The following WNT9A variants were observed in gnomAD, a reference collection of about 807,000 sequenced individuals.
WNT9A encodes Wnt family member 9A.
Under a neutral mutation model 31.4 loss-of-function variants are expected in WNT9A, and 8 were observed. That is an observed-to-expected ratio of 0.26 (90% confidence interval 0.15 to 0.46). WNT9A has a LOEUF of 0.46. Ranked by LOEUF, WNT9A falls within the 20% of genes least tolerant of loss-of-function variation. The probability of loss-of-function intolerance (pLI) is 0.99; values close to 1 mark genes in which losing one functional copy is unlikely to be tolerated. For synonymous variants in WNT9A, 236 were observed against 220.1 expected, an observed-to-expected ratio of 1.07 and a Z score of -0.64; for missense variants, 457 against 522.9, an observed-to-expected ratio of 0.87 and a Z score of 1.23.
intron 3 of WNT9A, among the ~76,000 whole-genome samples, chr1:227,923,758 C>T: frequency 6.6e-6 from 1 of 152,158 alleles, no homozygotes; most frequent in East Asian, 1.9e-4. Context: ...GTCTTCGTGA[C>T]AAGCCTGCCA....
At position 227,929,467 on chromosome 1, in the gene WNT9A, A is replaced by G. The variant is rs376740487; in HGVS notation, c.96-3948T>C. Among the ~76,000 whole-genome samples the G allele has an allele frequency of 4.6e-5, 7 of 152,348 alleles. 1 individual carries two copies. In the South Asian group the frequency reaches 1.2e-3, roughly 27 times the overall value. ...CCCCAAATTCATATGGTCAAACCTA[A>G]CACCATCAAAGTGGTAGCATTAGGA... is the stretch of plus-strand genomic sequence containing the variant. On this transcript the variant is annotated intron_variant, in intron 1 of 3. Coordinates refer to ENST00000272164, the MANE Select transcript of WNT9A (RefSeq NM_003395.4).
intron 1 of WNT9A, among the ~76,000 whole-genome samples, chr1:227,930,893 C>T (rs1225710273): frequency 9.2e-5 from 14 of 151,982 alleles, no homozygotes; most frequent in African/African-American, 3.4e-4. Flanking sequence ...TGGAGGCATA[C>T]GCCTGTAATC....
chr1:227,936,918 C>T (rs191715067), intron 1 of WNT9A, among the ~76,000 whole-genome samples: 5 of 152,298 alleles, frequency 3.3e-5, no homozygotes, highest in Admixed American at 1.3e-4. Context: ...ATCCTCTCCC[C>T]TCATACATAT....
Position 227,942,821 on chromosome 1 carries a change from C to T in WNT9A, c.95+4972G>A, listed in dbSNP as rs1165429031. 6.6e-6 allele frequency among the ~76,000 whole-genome samples: 1 copy of T among 152,228 alleles called. No individual in the cohort carries two copies. The highest frequency in any genetic ancestry group is 1.5e-5 in the Non-Finnish European group (1 of 68,038). ...GAGCTCTCAGCTGCTCCCAAACCCC[C>T]CGGCCCACAGTGCTCAGAGCACCCG... On this transcript the variant is annotated intron_variant, in intron 1 of 3. Coordinates refer to ENST00000272164, the MANE Select transcript of WNT9A (RefSeq NM_003395.4). The surrounding 1 kb of genome is among the most constrained non-coding windows in gnomAD (Gnocchi z 5.7).
chr1:227,935,531 C>A (rs1247690632), intron 1 of WNT9A, among the ~76,000 whole-genome samples: 1 of 152,224 alleles, frequency 6.6e-6, no homozygotes, highest in Admixed American at 6.5e-5. Context: ...GTTCTCTCCC[C>A]TCCTCTAACA....
At chr1:227,924,109 T>TTCC in intron 3 of WNT9A, 29 bp downstream of exon 3, 74 of 1,105,074 alleles carry the variant, frequency 6.7e-5, no homozygotes, top group Non-Finnish European at 8.0e-5. Flanking sequence ...GACCCTCCCT[T>TTCC]CCCACCCCGC....
chr1:227,943,233 C>T (rs1056779871), intron 1 of WNT9A, among the ~76,000 whole-genome samples: 2 of 152,202 alleles, frequency 1.3e-5, no homozygotes, highest in Non-Finnish European at 2.9e-5. Context: ...CTCTAGGCAA[C>T]GGGGGATGTC....
At chr1:227,927,514 G>A (rs1053129746) in intron 1 of WNT9A, among the ~76,000 whole-genome samples, 3 of 152,270 alleles carry the variant, frequency 2.0e-5, no homozygotes, top group Middle Eastern at 3.4e-3. Flanking sequence ...AGCACAGGGC[G>A]GCACTGTGGG....
chr1:227,944,372 G>A (rs576537650), intron 1 of WNT9A, among the ~76,000 whole-genome samples: 68 of 152,296 alleles, frequency 4.5e-4, no homozygotes, highest in African/African-American at 7.5e-4. Context: ...GGAGGGGAAC[G>A]GGCAGCGACT....
rs1190675803 is a variant in WNT9A at position 227,928,531 on chromosome 1, C to A, written c.96-3012G>T. Among the ~76,000 whole-genome samples the A allele has an allele frequency of 6.6e-6, 1 of 152,238 alleles. No individual in the cohort carries two copies. The highest frequency in any genetic ancestry group is 1.5e-5 in the Non-Finnish European group (1 of 68,040). On this transcript the variant is annotated intron_variant, in intron 1 of 3. Transcript: ENST00000272164. The surrounding 1 kb of genome is among the most constrained non-coding windows in gnomAD (Gnocchi z 4.5). ...CCTCTCCCACCCTGGGTAACCCCTG[C>A]CCCATGCCTCCTTCATTGTCAGGGT...
At chr1:227,947,534 G>GGCGACT (rs1221980861) in intron 1 of WNT9A, among the ~76,000 whole-genome samples, 1 of 151,946 alleles carries the variant, frequency 6.6e-6, no homozygotes, top group African/African-American at 2.4e-5. Context: ...TGCTCACGGC[G>GGCGACT]GCGACTACGA....
chr1:227,924,833 A>G (rs1186724848), intron 2 of WNT9A, among the ~76,000 whole-genome samples: 2 of 152,174 alleles, frequency 1.3e-5, no homozygotes, highest in Admixed American at 1.3e-4. Flanking sequence ...TAGGCAGTGG[A>G]GAGCCCCTGG....
chr1:227,940,743 C>T (rs187910543), intron 1 of WNT9A, among the ~76,000 whole-genome samples: 218 of 152,344 alleles, frequency 1.4e-3, no homozygotes, highest in Non-Finnish European at 2.1e-3. Context: ...TCGTCCCATC[C>T]GGCCACTGGT....
intron 1 of WNT9A, among the ~76,000 whole-genome samples, chr1:227,943,018 C>T (rs953468342): frequency 6.6e-6 from 1 of 152,198 alleles, no homozygotes; most frequent in African/African-American, 2.4e-5. Flanking sequence ...CAGCTGTGCC[C>T]CAGGCCTGAT....
chr1:227,938,899 G>T (rs1666644844), intron 1 of WNT9A, among the ~76,000 whole-genome samples: 1 of 152,240 alleles, frequency 6.6e-6, no homozygotes, highest in South Asian at 2.1e-4. Flanking sequence ...TGTGCAGCCT[G>T]TGAGTGCAGA....
chr1:227,945,496 G>A (rs1255139287), intron 1 of WNT9A, among the ~76,000 whole-genome samples: 2 of 152,182 alleles, frequency 1.3e-5, no homozygotes, highest in Admixed American at 6.5e-5. Context: ...GGGCTCCCGT[G>A]GGTCCACGTG....
At position 227,928,178 on chromosome 1, in the gene WNT9A, G is replaced by A. The variant is rs1666451741; in HGVS notation, c.96-2659C>T. Among the ~76,000 whole-genome samples, 1 of 152,120 alleles carries A rather than the reference G, an allele frequency of 6.6e-6. No individual in the cohort carries two copies. The highest frequency in any genetic ancestry group is 2.4e-5 in the African/African-American group (1 of 41,418). On this transcript the variant is annotated intron_variant, in intron 1 of 3. Coordinates refer to ENST00000272164, the MANE Select transcript of WNT9A (RefSeq NM_003395.4). The surrounding 1 kb of genome is among the most constrained non-coding windows in gnomAD (Gnocchi z 4.5). The stretch of plus-strand genomic sequence containing the variant: ...AGCTGAGTCCTCCAGCCTTCCCTAG[G>A]GCACCCCTGAAGCATGCAGACAGCA...
chr1:227,931,299 G>T (rs1262623858), intron 1 of WNT9A, among the ~76,000 whole-genome samples: 1 of 152,156 alleles, frequency 6.6e-6, no homozygotes. Flanking sequence ...GTCTTCCTAG[G>T]ATTTTCACGT....
chr1:227,927,357 A>C (rs1666436308), intron 1 of WNT9A, among the ~76,000 whole-genome samples: 1 of 152,122 alleles, frequency 6.6e-6, no homozygotes, highest in African/African-American at 2.4e-5. Context: ...ATGCAGCACA[A>C]TGGGCCCCAT....
Sources: allele counts gnomAD v4.1 joint callset (sites outside exome capture counted in the v4.1 genomes callset), GRCh38; gene constraint gnomAD v4.1.1; non-coding constraint Gnocchi (gnomAD v3.1); transcripts MANE v1.5; gene names NCBI Gene and HGNC (gene_info 2026-07-23, HGNC 2026-07-21).